The following SRGAP2C variants were observed in gnomAD, a reference collection of about 807,000 sequenced individuals.
SRGAP2C encodes the protein SLIT-ROBO Rho GTPase-activating protein 2C.
Under a neutral mutation model 25.1 loss-of-function variants are expected in SRGAP2C, and 15 were observed. The ratio of observed to expected loss-of-function variants is 0.60; its 90% CI spans 0.40 to 0.92. The LOEUF is 0.92. SRGAP2C is among the 40% of genes least tolerant of loss of function. SRGAP2C has a pLI of 0.00. For missense variants in SRGAP2C, 144 were observed against 264.4 expected (o/e 0.54, Z 3.16); for synonymous variants, 44 against 96.6 (o/e 0.46, Z 3.19).
At chr1:121,373,906 T>C in intron 5 of SRGAP2C, 65 bp from the exon 6 acceptor site, 1 of 664,036 alleles carries the variant, frequency 1.5e-6, no homozygotes, top group South Asian at 1.6e-5. Flanking sequence ...TCTGTTAGTC[T>C]GTAAAGCAGA....
intron 5 of SRGAP2C, among the ~76,000 whole-genome samples, chr1:121,370,554 G>A (rs1345698085): frequency 1.4e-5 from 2 of 142,490 alleles, no homozygotes; most frequent in Non-Finnish European, 3.1e-5. Flanking sequence ...CCATTCTCCT[G>A]CCTCAGCCTC....
intron 2 of SRGAP2C, among the ~76,000 whole-genome samples, chr1:121,258,499 C>G (rs1429863149): frequency 6.8e-6 from 1 of 147,228 alleles, no homozygotes; most frequent in Non-Finnish European, 1.5e-5. Context: ...GAGTTTTGCT[C>G]CTGTTGCCCA....
intron 4 of SRGAP2C, among the ~76,000 whole-genome samples, chr1:121,359,914 A>T (rs1424688610): frequency 1.3e-5 from 2 of 152,226 alleles, no homozygotes; most frequent in African/African-American, 4.8e-5. Flanking sequence ...TAGCTAGAGG[A>T]TTGTAAATGC....
rs1270424301 is a variant in SRGAP2C, at chr1:121,378,906, C to A, written c.832-3795C>A. Among the ~76,000 whole-genome samples, 7 of 152,322 alleles carry A rather than the reference C, an allele frequency of 4.6e-5. No homozygotes were observed. In the South Asian group the frequency reaches 1.2e-3, roughly 27 times the overall value. ...GTAGGAATCCACGTGAGGCATCTGCCACACTGGGGAAACCTTGACTTCAGG... is the reference window on the plus strand; with the variant it reads ...GTAGGAATCCACGTGAGGCATCTGCAACACTGGGGAAACCTTGACTTCAGG... On this transcript the variant is annotated intron_variant, in intron 7 of 9. Coordinates refer to ENST00000367123, the MANE Select transcript of SRGAP2C (RefSeq NM_001329984.2).
rs12133377 is a variant in SRGAP2C, at chr1:121,391,460, C to T, written c.*3605C>T. The stretch of plus-strand genomic sequence containing the variant: ...GCACAAAGCCAGTCTGCATGGCCTA[C>T]AGACATATTTTGCTGGACAATGATT... On this transcript the variant is annotated 3_prime_UTR_variant, in exon 10 of 10. Coordinates refer to ENST00000367123, the MANE Select transcript of SRGAP2C (RefSeq NM_001329984.2). 1.5e-4 allele frequency: 20 copies of T among 131,918 alleles called. 1 individual carries two copies. Among genetic ancestry groups the T allele is most frequent in the Admixed American group, 1.3e-3 (17 of 13,194 alleles). The allele number at this position is 131,918 out of a possible 1,614,324, so 8.2% of individuals were successfully genotyped here.
At chr1:121,314,433 A>G (rs1553340356) in intron 3 of SRGAP2C, among the ~76,000 whole-genome samples, 2 of 152,106 alleles carry the variant, frequency 1.3e-5, no homozygotes, top group African/African-American at 2.4e-5. Context: ...GCTCGTCAAA[A>G]TCATTCTCCA....
At chr1:121,235,030 T>C (rs1160032169) in intron 2 of SRGAP2C, among the ~76,000 whole-genome samples, 1 of 149,060 alleles carries the variant, frequency 6.7e-6, no homozygotes, top group African/African-American at 2.5e-5. Context: ...TTCTTTCTTT[T>C]TTTTTTTTTG....
At chr1:121,249,546 CTATATATATATATA>C (rs1181025618) in intron 2 of SRGAP2C, among the ~76,000 whole-genome samples, 17 of 40,152 alleles carry the variant, frequency 4.2e-4, no homozygotes, top group East Asian at 2.5e-3. Flanking sequence ...TGAACATGGA[CTATATATATATATA>C]TATATATATA....
intron 7 of SRGAP2C, among the ~76,000 whole-genome samples, chr1:121,375,166 T>TTATC (rs1373727397): frequency 6.7e-6 from 1 of 150,152 alleles, no homozygotes; most frequent in African/African-American, 2.5e-5. Context: ...GAAGGCATTA[T>TTATC]TATCTATATT....
chr1:121,314,957 G>T, intron 3 of SRGAP2C: 2 of 957,632 alleles, frequency 2.1e-6, no homozygotes, highest in Non-Finnish European at 3.1e-6. Context: ...TTTGAGCCAG[G>T]GCTTGAAGCA....
chr1:121,195,255 C>G (rs2101377200), intron 2 of SRGAP2C, among the ~76,000 whole-genome samples: 1 of 152,132 alleles, frequency 6.6e-6, no homozygotes, highest in Non-Finnish European at 1.5e-5. Flanking sequence ...TACAAAAATA[C>G]AAAAATTAGT....
intron 4 of SRGAP2C, among the ~76,000 whole-genome samples, chr1:121,350,466 G>A (rs1658872656): frequency 6.6e-6 from 1 of 151,118 alleles, no homozygotes; most frequent in South Asian, 2.1e-4. Context: ...CAAAAGCTAA[G>A]AGAAACAGCT....
At chr1:121,218,623 C>T (rs1309723630) in intron 2 of SRGAP2C, among the ~76,000 whole-genome samples, 8 of 148,640 alleles carry the variant, frequency 5.4e-5, no homozygotes, top group Non-Finnish European at 1.2e-4. Flanking sequence ...GGCAGGTGCC[C>T]GTAATCCCAG....
chr1:121,274,834 A>G (rs1476208033), intron 2 of SRGAP2C, among the ~76,000 whole-genome samples: 1 of 116,100 alleles, frequency 8.6e-6, no homozygotes, highest in African/African-American at 3.4e-5. Flanking sequence ...CTGTGTTTGT[A>G]TCTGTTCTGC....
At chr1:121,372,848 A>G (rs1659530864) in intron 5 of SRGAP2C, among the ~76,000 whole-genome samples, 1 of 79,426 alleles carries the variant, frequency 1.3e-5, no homozygotes, top group Non-Finnish European at 2.4e-5. Flanking sequence ...ATAATATTGT[A>G]CCTTTGCACT....
At chr1:121,352,933 C>T (rs1222139850) in intron 4 of SRGAP2C, among the ~76,000 whole-genome samples, 20 of 142,374 alleles carry the variant, frequency 1.4e-4, no homozygotes, top group Middle Eastern at 3.6e-3. Flanking sequence ...ACTAAAAATA[C>T]AAAAAAATTA....
chr1:121,322,062 G>T (rs1377757644), intron 3 of SRGAP2C, among the ~76,000 whole-genome samples: 1 of 149,588 alleles, frequency 6.7e-6, no homozygotes, highest in East Asian at 2.0e-4. Context: ...ATACAAATGT[G>T]TGTACATTTG....
chr1:121,208,522 A>G (rs1294022070), intron 2 of SRGAP2C, among the ~76,000 whole-genome samples: 7 of 152,216 alleles, frequency 4.6e-5, no homozygotes, highest in Non-Finnish European at 1.0e-4. Flanking sequence ...TAAATGATAA[A>G]TAGCAAGTCT....
At chr1:121,273,889 G>A (rs1428859990) in intron 2 of SRGAP2C, among the ~76,000 whole-genome samples, 1 of 151,826 alleles carries the variant, frequency 6.6e-6, no homozygotes, top group Non-Finnish European at 1.5e-5. Flanking sequence ...CGCAGCAGGG[G>A]TAGAAGGCAA....
Sources: gnomAD v4.1 joint callset for allele counts (sites outside exome capture counted in the v4.1 genomes callset) on GRCh38, gnomAD v4.1.1 for gene constraint, MANE v1.5 for transcripts, NCBI Gene and HGNC (gene_info 2026-07-23, HGNC 2026-07-21) for gene names.